Variants in PCBP3 observed in about 807,000 individuals in gnomAD.
The protein encoded by PCBP3 is poly(rC) binding protein 3.
A neutral mutation model predicts 52.7 loss-of-function variants in PCBP3; 25 were observed. The observed-to-expected ratio is 0.47, with a 90% CI of 0.35 to 0.66. The LOEUF (loss-of-function observed/expected upper bound fraction) is 0.66, where lower values mean the gene tolerates loss of function less well. Ranked by LOEUF, PCBP3 falls within the 30% of genes least tolerant of loss-of-function variation. PCBP3 has a pLI of 0.01. For missense variants in PCBP3, 391 were observed against 490.3 expected (o/e 0.80, Z 1.91); for synonymous variants, 162 against 183.0 (o/e 0.89, Z 0.93).
intron 4 of PCBP3, chr21:45,763,292 A>G (rs1359552429): frequency 6.6e-6 from 1 of 152,208 alleles, no homozygotes; most frequent in Non-Finnish European, 1.5e-5. Context: ...GTAGGATGAT[A>G]ATTATTTATT....
At chr21:45,858,833 T>A (rs1603451805) in intron 5 of PCBP3, 1 of 152,092 alleles carries the variant, frequency 6.6e-6, no homozygotes, top group East Asian at 1.9e-4. Flanking sequence ...TGGGGGCGGG[T>A]CTTTCCCGTG....
At chr21:45,823,288 G>A (rs562582030) in intron 4 of PCBP3, among the ~76,000 whole-genome samples, 35 of 152,274 alleles carry the variant, frequency 2.3e-4, no homozygotes, top group African/African-American at 8.4e-4. Context: ...GCTCTGCTGT[G>A]CCAGGAACAC....
intron 1 of PCBP3, among the ~76,000 whole-genome samples, chr21:45,659,317 T>C (rs2080226745): frequency 6.6e-6 from 1 of 150,938 alleles, no homozygotes; most frequent in Non-Finnish European, 1.5e-5. Flanking sequence ...TTTTGATATG[T>C]TGTGCTTTCT....
chr21:45,821,461 C>G lies in PCBP3; in HGVS notation c.-125-28500C>G, dbSNP rs1403025838. Among the ~76,000 whole-genome samples, 1 of 150,064 alleles carries G rather than the reference C, an allele frequency of 6.7e-6. No homozygotes were observed. Among genetic ancestry groups the G allele is most frequent in the Non-Finnish European group, 1.5e-5 (1 of 67,382 alleles). ...GTGGGCCCCGCACCTTCCCCCAACTCTTTTCTAGAACACTCTTCCCCCTGC... is the reference window on the plus strand; with the variant it reads ...GTGGGCCCCGCACCTTCCCCCAACTGTTTTCTAGAACACTCTTCCCCCTGC... On this transcript the variant is annotated intron_variant, in intron 4 of 17. Transcript: ENST00000681687. This position sits in a 1 kb window ranked among gnomAD's most constrained non-coding sequence, Gnocchi z 4.4.
intron 16 of PCBP3, among the ~76,000 whole-genome samples, chr21:45,937,774 T>A (rs2077035296): frequency 6.6e-6 from 1 of 152,204 alleles, no homozygotes; most frequent in South Asian, 2.1e-4. Context: ...TCCCCTGCAC[T>A]GAGCCAGCTG....
chr21:45,762,639 C>T (rs1008826261), intron 4 of PCBP3: 1 of 151,752 alleles, frequency 6.6e-6, no homozygotes, highest in African/African-American at 2.4e-5. Flanking sequence ...ACCAGCACAC[C>T]CGGCTAACTT....
At chr21:45,839,613 A>G (rs2147958667) in intron 4 of PCBP3, among the ~76,000 whole-genome samples, 1 of 152,332 alleles carries the variant, frequency 6.6e-6, no homozygotes, top group East Asian at 1.9e-4. Context: ...TATCTTAAAT[A>G]TGTTGCTTTA....
In PCBP3 at chr21:45,830,169, C is replaced by T. The variant is rs915356582; in HGVS notation, c.-125-19792C>T. The T allele has an allele frequency of 3.9e-5, 6 of 152,822 alleles. No homozygotes were observed. Among genetic ancestry groups the T allele is most frequent in the African/African-American group, 1.4e-4 (6 of 41,466 alleles). The allele number at this position is 152,822 out of a possible 1,614,324, so 9.5% of individuals were successfully genotyped here. A position where few individuals can be genotyped will look rare whatever the true frequency, so the allele number is the denominator to read the frequency against. On this transcript the variant is annotated intron_variant, in intron 4 of 17. Transcript: ENST00000681687. This position sits in a 1 kb window ranked among gnomAD's most constrained non-coding sequence, Gnocchi z 4.4. The stretch of plus-strand genomic sequence containing the variant: ...GGGCCCTGCAACCCTAGACCAGTCT[C>T]CAGGCAGGGCAAATGGCCCCTCTGT...
rs2079247913 is a variant in PCBP3, at chr21:45,646,082, TTTCTCTCTCTC to T, written c.-279+2216_-279+2226del. On this transcript the variant is annotated intron_variant, in intron 1 of 17. Coordinates refer to ENST00000681687, the MANE Select transcript of PCBP3 (RefSeq NM_001384156.1). ...CTCTCTCTCTCTCTCTCTCTCTCTCTTTCTCTCTCTCTCTCTCTCTCTCTCTGTGTGTGTGT... is the reference window on the plus strand; with the variant it reads ...CTCTCTCTCTCTCTCTCTCTCTCTCTTCTCTCTCTCTCTCTGTGTGTGTGT... 3.5e-5 allele frequency among the ~76,000 whole-genome samples: 4 copies of T among 115,022 alleles called. No homozygotes were observed. In the East Asian group the frequency reaches 7.0e-4, roughly 20 times the overall value. 75.5% of individuals were successfully genotyped at this position (115,022 alleles called of 152,430 possible). A position where few individuals can be genotyped will look rare whatever the true frequency, so the allele number is the denominator to read the frequency against.
intron 4 of PCBP3, among the ~76,000 whole-genome samples, chr21:45,790,091 G>A (rs1434898280): frequency 6.6e-6 from 1 of 152,164 alleles, no homozygotes; most frequent in East Asian, 1.9e-4. Context: ...AGTGAGCCGA[G>A]ATCTCGCCAC....
At chr21:45,930,935 C>T in intron 15 of PCBP3, 90 bp downstream of exon 15, 1 of 1,560,672 alleles carries the variant, frequency 6.4e-7, no homozygotes, top group South Asian at 1.2e-5. Flanking sequence ...GCCGCTGCAG[C>T]AGTTTCCAGC....
In PCBP3 at chr21:45,933,354, G is replaced by C. The variant is rs139917181; in HGVS notation, c.857-1899G>C. ...CATGCTGTCCTGAGATGATTGTCCTGGTTATGCAGACATTTCTTTATATTA... is the reference window on the plus strand; with the variant it reads ...CATGCTGTCCTGAGATGATTGTCCTCGTTATGCAGACATTTCTTTATATTA... On this transcript the variant is annotated intron_variant, in intron 15 of 17. Transcript: ENST00000681687. Among the ~76,000 whole-genome samples, 544 of 152,356 alleles carry C rather than the reference G, an allele frequency of 3.6e-3. 3 individuals carry two copies. Among genetic ancestry groups the C allele is most frequent in the African/African-American group, 0.013 (530 of 41,576 alleles).
intron 17 of PCBP3, among the ~76,000 whole-genome samples, chr21:45,941,216 G>A (rs183760022): frequency 6.6e-6 from 1 of 152,320 alleles, no homozygotes; most frequent in East Asian, 1.9e-4. Context: ...GGGCGAGCCT[G>A]GGGATGGGGC....
intron 4 of PCBP3, among the ~76,000 whole-genome samples, chr21:45,804,151 G>GT (rs2092411870): frequency 6.6e-6 from 1 of 152,144 alleles, no homozygotes; most frequent in Non-Finnish European, 1.5e-5. Flanking sequence ...TGGCTGTAGT[G>GT]TTTTTTACCC....
chr21:45,816,933 G>A (rs139409336), intron 4 of PCBP3, among the ~76,000 whole-genome samples: 167 of 152,180 alleles, frequency 1.1e-3, no homozygotes, highest in African/African-American at 3.7e-3. Flanking sequence ...CACCACAGGC[G>A]TGGGGGGAGC....
chr21:45,714,252 C>G (rs986024686), intron 2 of PCBP3, among the ~76,000 whole-genome samples: 1 of 152,176 alleles, frequency 6.6e-6, no homozygotes, highest in Admixed American at 6.5e-5. Context: ...TGTCTCAGTG[C>G]TTATTTGACA....
intron 15 of PCBP3, among the ~76,000 whole-genome samples, chr21:45,931,802 C>A (rs2076222025): frequency 6.6e-6 from 1 of 151,614 alleles, no homozygotes; most frequent in South Asian, 2.1e-4. Flanking sequence ...CCATGCTGTC[C>A]TGAGATGAAT....
intron 2 of PCBP3, among the ~76,000 whole-genome samples, chr21:45,717,086 C>T (rs916377472): frequency 6.6e-6 from 1 of 151,668 alleles, no homozygotes; most frequent in African/African-American, 2.4e-5. Context: ...AAATCTATTC[C>T]TAAGTTTTTT....
chr21:45,793,308 G>A (rs2091729594), intron 4 of PCBP3, among the ~76,000 whole-genome samples: 1 of 152,096 alleles, frequency 6.6e-6, no homozygotes, highest in Admixed American at 6.5e-5. Context: ...CGCAGACCCA[G>A]AACTGTTACC....
Sources: allele counts gnomAD v4.1 joint callset (sites outside exome capture counted in the v4.1 genomes callset), GRCh38; gene constraint gnomAD v4.1.1; non-coding constraint Gnocchi (gnomAD v3.1); transcripts MANE v1.5; gene names NCBI Gene and HGNC (gene_info 2026-07-23, HGNC 2026-07-21).